Variants in NDUFC1 observed in about 807,000 individuals in gnomAD.
The protein encoded by NDUFC1 is NADH dehydrogenase [ubiquinone] 1 subunit C1, mitochondrial.
In NDUFC1, 11 loss-of-function variants were observed where a neutral mutation model predicts 11.6. The observed-to-expected ratio is 0.95, with a 90% CI of 0.60 to 1.58. The LOEUF is 1.58. Among genes scored for constraint, NDUFC1 ranks in the 40% most tolerant of loss-of-function variants. NDUFC1 has a pLI of 0.00. For missense variants in NDUFC1, 112 were observed against 93.0 expected (o/e 1.20, Z -0.84); for synonymous variants, 52 against 42.2 (o/e 1.23, Z -0.90).
chr4:139,292,685 G>C, intron 4 of NDUFC1, 76 bp from the exon 5 acceptor site: 1 of 937,224 alleles, frequency 1.1e-6, no homozygotes, highest in Non-Finnish European at 1.6e-6. Flanking sequence ...AATAAGGATA[G>C]AAAAAATAAA....
At chr4:139,299,011 C>T (rs1319112257) in intron 1 of NDUFC1, among the ~76,000 whole-genome samples, 1 of 151,542 alleles carries the variant, frequency 6.6e-6, no homozygotes, top group East Asian at 1.9e-4. Flanking sequence ...ACTCTGTTGT[C>T]CAGGCTGGAG....
rs1745346168 is a variant in NDUFC1 at position 139,293,971 on chromosome 4, T to G, written c.171+1072A>C. Among the ~76,000 whole-genome samples, 3 of 126,924 alleles carry G rather than the reference T, an allele frequency of 2.4e-5. No homozygotes were observed. The South Asian group carries it at 8.0e-4, about 34-fold the overall frequency. The allele number at this position is 126,924 out of a possible 152,430, so 83.3% of individuals were successfully genotyped here. A position where few individuals can be genotyped will look rare whatever the true frequency, so the allele number is the denominator to read the frequency against. On this transcript the variant is annotated intron_variant, in intron 4 of 5. Coordinates refer to ENST00000394223, the MANE Select transcript of NDUFC1 (RefSeq NM_001184989.2). ...TTTTTTTTTTTTTTGAGACAGAGTCTCGCTGTATCTCCCAGGCTGGAGTGC... is the reference window on the plus strand; with the variant it reads ...TTTTTTTTTTTTTTGAGACAGAGTCGCGCTGTATCTCCCAGGCTGGAGTGC...
intron 2 of NDUFC1, chr4:139,296,384 G>C (rs1266742815): frequency 2.0e-5 from 3 of 152,512 alleles, no homozygotes; most frequent in Non-Finnish European, 2.9e-5. Flanking sequence ...AGTAGAATTA[G>C]TGCCTTAGGT....
At chr4:139,297,973 G>T (rs1173625217) in intron 1 of NDUFC1, among the ~76,000 whole-genome samples, 2 of 152,116 alleles carry the variant, frequency 1.3e-5, no homozygotes, top group Non-Finnish European at 2.9e-5. Context: ...GGGAGGCTGA[G>T]GTTGGAAGAT....
intron 5 of NDUFC1, among the ~76,000 whole-genome samples, chr4:139,291,314 C>T (rs948760959): frequency 1.3e-5 from 2 of 151,878 alleles, no homozygotes; most frequent in African/African-American, 2.4e-5. Context: ...CAGTGGCTCA[C>T]GCCTGTAATC....
intron 5 of NDUFC1, among the ~76,000 whole-genome samples, chr4:139,290,841 G>C (rs971338952): frequency 6.6e-6 from 1 of 151,614 alleles, no homozygotes; most frequent in African/African-American, 2.4e-5. Flanking sequence ...CTGTTGCCCA[G>C]GCTGGCTGGA....
chr4:139,291,125 T>TA (rs1560937838), intron 5 of NDUFC1, among the ~76,000 whole-genome samples: 1 of 148,602 alleles, frequency 6.7e-6, no homozygotes, highest in African/African-American at 2.5e-5. Context: ...TGTATATATT[T>TA]TATATATATA....
chr4:139,292,116 C>T (rs964613517), intron 5 of NDUFC1, among the ~76,000 whole-genome samples: 28 of 152,168 alleles, frequency 1.8e-4, no homozygotes, highest in African/African-American at 2.4e-5. Flanking sequence ...GGATTACAGG[C>T]GTGAGCCACC....
intron 1 of NDUFC1, chr4:139,302,091 A>G: frequency 5.0e-6 from 2 of 396,142 alleles, no homozygotes; most frequent in Non-Finnish European, 4.5e-6. Flanking sequence ...CCCGGCTTCT[A>G]GACTGCCGGT....
intron 5 of NDUFC1, among the ~76,000 whole-genome samples, chr4:139,291,855 GAGA>G (rs1361254236): frequency 3.6e-5 from 5 of 139,336 alleles, no homozygotes; most frequent in East Asian, 2.1e-4. Context: ...TTTTTTTTTT[GAGA>G]AGGAGTCTCA....
intron 4 of NDUFC1, among the ~76,000 whole-genome samples, chr4:139,294,459 G>A (rs1019252986): frequency 4.6e-5 from 7 of 151,864 alleles, no homozygotes; most frequent in Admixed American, 3.9e-4. Flanking sequence ...TACTATTGCC[G>A]GGCGTGGTGG....
intron 2 of NDUFC1, chr4:139,296,296 T>A (rs1442039308): frequency 6.4e-6 from 1 of 155,180 alleles, no homozygotes; most frequent in African/African-American, 2.4e-5. Context: ...GGTGACATAT[T>A]ATATTTTACA....
At chr4:139,294,109 T>A (rs974234140) in intron 4 of NDUFC1, among the ~76,000 whole-genome samples, 1 of 151,460 alleles carries the variant, frequency 6.6e-6, no homozygotes, top group Admixed American at 6.6e-5. Context: ...ACCTGGCTAA[T>A]TTTTTTTGTA....
chr4:139,290,492 T>G (rs1745166047), intron 5 of NDUFC1, among the ~76,000 whole-genome samples: 1 of 151,598 alleles, frequency 6.6e-6, no homozygotes, highest in South Asian at 2.1e-4. Flanking sequence ...ATGGGCAGGG[T>G]GCTAATAGAA....
chr4:139,301,969 A>C, intron 1 of NDUFC1: 1 of 901,922 alleles, frequency 1.1e-6, no homozygotes, highest in Non-Finnish European at 1.7e-6. Context: ...GGCCGAATGC[A>C]TTGCTTTGCT....
chr4:139,301,151 C>CT (rs2110795269), intron 1 of NDUFC1: 1 of 175,606 alleles, frequency 5.7e-6, no homozygotes, highest in Non-Finnish European at 1.2e-5. Flanking sequence ...TCTCAAACAC[C>CT]TACACCTGTA....
Position 139,292,555 on chromosome 4 carries a change from C to A in NDUFC1, c.226G>T (p.Glu76Ter), listed in dbSNP as rs755314034. 2 of 1,553,798 alleles carry A rather than the reference C, an allele frequency of 1.3e-6. No individual in the cohort carries two copies. Among genetic ancestry groups the A allele is most frequent in the Admixed American group, 1.7e-5 (1 of 57,828 alleles). ...ILEYKRRNGL[E>*] The stretch of plus-strand genomic sequence containing the variant: ...TACATTAGTGTTTCAAAAGTTTATT[C>A]CAGCCCATTTCTTCTTTTGTACTCT... Residue 76 changes from glutamate (E) to a stop codon, truncating the protein, a stop_gained, in exon 5 of 6, where the codon GAA (glutamate) becomes TAA (stop). Coordinates refer to ENST00000394223, the MANE Select transcript of NDUFC1 (RefSeq NM_001184989.2). LOFTEE classifies it high-confidence loss of function.
chr4:139,299,265 G>GA (rs1457378035), intron 1 of NDUFC1, among the ~76,000 whole-genome samples: 3 of 150,168 alleles, frequency 2.0e-5, no homozygotes, highest in African/African-American at 7.4e-5. Context: ...ACCAAGCCCA[G>GA]CCTTTTTTTT....
At chr4:139,291,312 C>T (rs1745207188) in intron 5 of NDUFC1, among the ~76,000 whole-genome samples, 1 of 151,934 alleles carries the variant, frequency 6.6e-6, no homozygotes, top group Admixed American at 6.6e-5. Flanking sequence ...CGCAGTGGCT[C>T]ACGCCTGTAA....
Sources: allele counts gnomAD v4.1 joint callset (sites outside exome capture counted in the v4.1 genomes callset), GRCh38; gene constraint gnomAD v4.1.1; transcripts MANE v1.5; gene names NCBI Gene and HGNC (gene_info 2026-07-23, HGNC 2026-07-21).